KIF21A: variants seen among roughly 807,000 people sequenced by gnomAD.
KIF21A encodes the protein kinesin-like protein KIF21A.
KIF21A carries 114 observed loss-of-function variants against 202.9 expected under a neutral mutation model. The ratio of observed to expected loss-of-function variants is 0.56; its 90% CI spans 0.48 to 0.66. KIF21A has a LOEUF of 0.66. Ranked by LOEUF, KIF21A falls within the 30% of genes least tolerant of loss-of-function variation. The pLI is 0.00. For missense variants in KIF21A, 1,677 were observed against 1,994.9 expected (o/e 0.84, Z 3.04); for synonymous variants, 667 against 670.8 (o/e 0.99, Z 0.09).
At chr12:39,406,826 G>A (rs148924076) in intron 1 of KIF21A, among the ~76,000 whole-genome samples, 85 of 152,136 alleles carry the variant, frequency 5.6e-4, no homozygotes, top group African/African-American at 1.3e-3. Flanking sequence ...AGACTCATTC[G>A]TAATCTCAAA....
intron 1 of KIF21A, among the ~76,000 whole-genome samples, chr12:39,389,659 C>A (rs777087449): frequency 2.0e-5 from 3 of 152,152 alleles, no homozygotes; most frequent in Non-Finnish European, 2.9e-5. Context: ...CCAAGCCATG[C>A]CAAGATTTTG....
chr12:39,346,380 T>G (rs1947890499), intron 12 of KIF21A, 86 bp downstream of exon 12: 1 of 920,624 alleles, frequency 1.1e-6, no homozygotes, highest in African/African-American at 1.7e-5. Flanking sequence ...TCTGAAACAA[T>G]CTATAATACT....
intron 27 of KIF21A, among the ~76,000 whole-genome samples, chr12:39,321,070 A>AT (rs756498438): frequency 3.3e-5 from 5 of 150,392 alleles, no homozygotes; most frequent in South Asian, 2.1e-4. Context: ...TGTGTGCTTG[A>AT]TTTTTTCTAA....
chr12:39,318,848 G>A (rs1944873356), intron 28 of KIF21A, among the ~76,000 whole-genome samples: 1 of 152,182 alleles, frequency 6.6e-6, no homozygotes, highest in Admixed American at 6.5e-5. Flanking sequence ...GGGCGTGGTG[G>A]CGGGCGCCGG....
intron 1 of KIF21A, among the ~76,000 whole-genome samples, chr12:39,378,627 T>C (rs570705991): frequency 2.3e-4 from 35 of 152,274 alleles, no homozygotes; most frequent in Non-Finnish European, 4.6e-4. Context: ...GGTGGCCTAT[T>C]GATAATCCAA....
intron 1 of KIF21A, among the ~76,000 whole-genome samples, chr12:39,423,261 T>C (rs1321228114): frequency 1.3e-5 from 2 of 151,960 alleles, no homozygotes; most frequent in South Asian, 2.1e-4. Flanking sequence ...CGGAGATGAG[T>C]TTTTTTCTTG....
At chr12:39,334,492 C>T (rs1946793376) in intron 17 of KIF21A, among the ~76,000 whole-genome samples, 7 of 152,074 alleles carry the variant, frequency 4.6e-5, no homozygotes, top group Admixed American at 3.9e-4. Context: ...CTTATCACAG[C>T]CATATCTTAA....
intron 1 of KIF21A, among the ~76,000 whole-genome samples, chr12:39,429,467 T>C (rs540549399): frequency 1.3e-5 from 2 of 152,194 alleles, no homozygotes; most frequent in African/African-American, 2.4e-5. Flanking sequence ...TTCTTCATCA[T>C]TGAAGACAGA....
chr12:39,316,029 A>G, intron 29 of KIF21A, 59 bp from the exon 30 acceptor site: 1 of 1,182,482 alleles, frequency 8.5e-7, no homozygotes, highest in Admixed American at 1.7e-5. Context: ...AGGTAAGGAC[A>G]CTGACTTTGG....
At chr12:39,344,663 G>T (rs1389912532) in intron 12 of KIF21A, among the ~76,000 whole-genome samples, 1 of 152,074 alleles carries the variant, frequency 6.6e-6, no homozygotes, top group African/African-American at 2.4e-5. Flanking sequence ...CACTTCTGAT[G>T]TGGAAAAATC....
Position 39,369,712 on chromosome 12 carries a change from C to T in KIF21A, c.450+17G>A. On this transcript the variant is annotated intron_variant, in intron 3 of 37. Coordinates refer to ENST00000361418, the MANE Select transcript of KIF21A (RefSeq NM_001173464.2). ...AACAAAATTTAAAAGAAATTAATGC[C>T]AAAATTGGATTATTACCTCTAAGAA... is the stretch of plus-strand genomic sequence containing the variant. 1 of 1,602,452 alleles carries T rather than the reference C, an allele frequency of 6.2e-7. No individual in the cohort carries two copies. Among genetic ancestry groups the T allele is most frequent in the Non-Finnish European group, 8.5e-7 (1 of 1,172,776 alleles).
intron 1 of KIF21A, among the ~76,000 whole-genome samples, chr12:39,436,928 C>T (rs963649104): frequency 7.9e-5 from 12 of 152,236 alleles, no homozygotes; most frequent in African/African-American, 2.4e-4. Context: ...ATACAGCAAA[C>T]AAATACTATC....
rs887218093 is a variant in KIF21A, at chr12:39,418,000, G to A, written c.44+24927C>T. Among the ~76,000 whole-genome samples, 7 of 152,106 alleles carry A rather than the reference G, an allele frequency of 4.6e-5. No homozygotes were observed. The East Asian group carries it at 1.4e-3, about 29-fold the overall frequency. On this transcript the variant is annotated intron_variant, in intron 1 of 37. Transcript: ENST00000361418. ...AGGCAGGTGGATCTCTTGGGCTCAG[G>A]AGTTGGAGATCAGCCCAGGCAACAT...
At position 39,370,224 on chromosome 12, in the gene KIF21A, A is replaced by T; in HGVS notation, c.82T>A (p.Cys28Ser). ...PQLAKEKIEG[C>S]HICTSVTPGE... ...GGTGTGACAGATGTACAAATATGGC[A>T]TCCTTCAATCTTCTCTTTGGCAAGC... The change falls in exon 2 of 38, where the codon TGC becomes AGC. Residue 28 changes from cysteine to serine, a missense_variant. Transcript: ENST00000361418. 6.2e-7 allele frequency: 1 copy of T among 1,613,614 alleles called. No individual in the cohort carries two copies. The highest frequency in any genetic ancestry group is 2.2e-5 in the East Asian group (1 of 44,844).
intron 1 of KIF21A, among the ~76,000 whole-genome samples, chr12:39,441,571 T>C (rs1939583982): frequency 7.1e-6 from 1 of 141,402 alleles, no homozygotes; most frequent in African/African-American, 2.7e-5. Flanking sequence ...TAAGTAGCCC[T>C]AGAATAACGA....
At chr12:39,320,701 G>A (rs1183858515) in intron 27 of KIF21A, among the ~76,000 whole-genome samples, 1 of 151,390 alleles carries the variant, frequency 6.6e-6, no homozygotes. Context: ...TTGGGAGGCT[G>A]AGGTGGGTGG....
intron 1 of KIF21A, among the ~76,000 whole-genome samples, chr12:39,404,507 T>C (rs1952430107): frequency 6.6e-6 from 1 of 152,190 alleles, no homozygotes; most frequent in African/African-American, 2.4e-5. Context: ...TAATCTGAGT[T>C]GTTACTCTTT....
intron 32 of KIF21A, among the ~76,000 whole-genome samples, chr12:39,310,423 G>T (rs910881064): frequency 1.3e-5 from 2 of 151,908 alleles, no homozygotes; most frequent in African/African-American, 4.8e-5. Context: ...CACAGACAAT[G>T]AGCAATAAAT....
chr12:39,307,443 A>T, intron 34 of KIF21A, 122 bp downstream of exon 34: 1 of 828,066 alleles, frequency 1.2e-6, no homozygotes, highest in Non-Finnish European at 2.0e-6. Context: ...TGAATAAAAA[A>T]GCCTATGATT....
Sources: gnomAD v4.1 joint callset for allele counts (sites outside exome capture counted in the v4.1 genomes callset) on GRCh38, gnomAD v4.1.1 for gene constraint, MANE v1.5 for transcripts, NCBI Gene and HGNC (gene_info 2026-07-23, HGNC 2026-07-21) for gene names.